Variants in PRELID2 observed in about 807,000 individuals in gnomAD.
The protein encoded by PRELID2 is PRELI domain containing 2.
A neutral mutation model predicts 28.4 loss-of-function variants in PRELID2; 25 were observed. The ratio of observed to expected loss-of-function variants is 0.88; its 90% CI spans 0.64 to 1.23. The LOEUF (loss-of-function observed/expected upper bound fraction) is 1.23, where lower values mean the gene tolerates loss of function less well. Ranked by LOEUF, PRELID2 falls within the 50% of genes most tolerant of loss-of-function variation. The pLI is 0.00. For synonymous variants in PRELID2, 76 were observed against 71.6 expected (o/e 1.06, Z -0.31); for missense variants, 201 against 214.4 (o/e 0.94, Z 0.39).
At chr5:145,489,568 T>C (rs1008775319) in intron 1 of PRELID2, among the ~76,000 whole-genome samples, 1 of 152,206 alleles carries the variant, frequency 6.6e-6, no homozygotes, top group Admixed American at 6.5e-5. Flanking sequence ...TGTCATCTTA[T>C]ATCCAGCATT....
chr5:145,347,016 G>C, the PRELID2 span, among the ~76,000 whole-genome samples: 1 of 152,132 alleles, frequency 6.6e-6, no homozygotes, highest in Non-Finnish European at 1.5e-5. Flanking sequence ...ATTTTATAGT[G>C]TTAAAGCTTC....
the PRELID2 span, among the ~76,000 whole-genome samples, chr5:145,368,280 G>A: frequency 5.3e-5 from 8 of 151,792 alleles, no homozygotes; most frequent in East Asian, 1.9e-4. Flanking sequence ...ATAGTGTTAC[G>A]GCTCTAAAGC....
chr5:145,697,830 A>T (rs1212589348), intron 1 of PRELID2, among the ~76,000 whole-genome samples: 2 of 152,128 alleles, frequency 1.3e-5, no homozygotes, highest in Admixed American at 6.6e-5. Context: ...TAAAGCATTT[A>T]ATGCTTGAGA....
At chr5:145,688,614 G>C (rs1378643588) in intron 1 of PRELID2, among the ~76,000 whole-genome samples, 1 of 152,172 alleles carries the variant, frequency 6.6e-6, no homozygotes, top group Admixed American at 6.5e-5. Context: ...ATAATACCTA[G>C]AGTTACCCAG....
At chr5:145,383,075 T>C in the PRELID2 span, among the ~76,000 whole-genome samples, 1 of 151,560 alleles carries the variant, frequency 6.6e-6, no homozygotes, top group Non-Finnish European at 1.5e-5. Flanking sequence ...GTAGACTCAA[T>C]GCAATTTCAA....
intron 1 of PRELID2, among the ~76,000 whole-genome samples, chr5:145,637,649 C>T (rs1754021366): frequency 1.3e-5 from 2 of 152,048 alleles, no homozygotes; most frequent in African/African-American, 4.8e-5. Context: ...CACATGAGGA[C>T]CAAGAGAATT....
At chr5:145,323,463 TA>T in the PRELID2 span, among the ~76,000 whole-genome samples, 1 of 152,144 alleles carries the variant, frequency 6.6e-6, no homozygotes, top group Admixed American at 6.5e-5. Flanking sequence ...AATGTATTTT[TA>T]AAAAAACACT....
At chr5:145,717,916 A>T (rs962233183) in intron 1 of PRELID2, among the ~76,000 whole-genome samples, 1 of 151,860 alleles carries the variant, frequency 6.6e-6, no homozygotes, top group Non-Finnish European at 1.5e-5. Context: ...TCTCCATGGT[A>T]AGAATAACTT....
intron 5 of PRELID2, among the ~76,000 whole-genome samples, chr5:145,784,790 T>G (rs1421142084): frequency 2.0e-5 from 3 of 151,338 alleles, no homozygotes; most frequent in Admixed American, 1.3e-4. Context: ...AACTTTGTTT[T>G]TTTTTTTTTT....
chr5:145,528,067 CT>C (rs1717216496), intron 1 of PRELID2, among the ~76,000 whole-genome samples: 2 of 152,136 alleles, frequency 1.3e-5, no homozygotes, highest in African/African-American at 4.8e-5. Context: ...CACGCTAACC[CT>C]TCAGCTCCTC....
At chr5:145,578,772 T>C (rs988297361) in intron 1 of PRELID2, among the ~76,000 whole-genome samples, 2 of 152,112 alleles carry the variant, frequency 1.3e-5, no homozygotes, top group Non-Finnish European at 2.9e-5. Context: ...TACTGTATGA[T>C]GCACAATACT....
intron 1 of PRELID2, among the ~76,000 whole-genome samples, chr5:145,477,579 C>T (rs1434200596): frequency 2.6e-5 from 4 of 152,090 alleles, no homozygotes; most frequent in African/African-American, 9.7e-5. Flanking sequence ...GCATGGCTAG[C>T]CACACCTGGA....
At chr5:145,369,104 A>G in the PRELID2 span, among the ~76,000 whole-genome samples, 2 of 151,912 alleles carry the variant, frequency 1.3e-5, no homozygotes, top group South Asian at 2.1e-4. Flanking sequence ...GCTAAAGTTA[A>G]TGGCATTTAG....
the PRELID2 span, among the ~76,000 whole-genome samples, chr5:145,265,847 C>T: frequency 2.0e-5 from 3 of 152,116 alleles, no homozygotes; most frequent in Admixed American, 6.6e-5. Context: ...AGACCTGAAA[C>T]CATAAAAATT....
chr5:145,407,142 G>A, the PRELID2 span, among the ~76,000 whole-genome samples: 5 of 152,334 alleles, frequency 3.3e-5, no homozygotes, highest in African/African-American at 1.2e-4. Context: ...ATAGCTGATA[G>A]TGCAGATAGG....
chr5:145,740,982 G>A (rs190750002), intron 1 of PRELID2, among the ~76,000 whole-genome samples: 6 of 104,394 alleles, frequency 5.7e-5, no homozygotes, highest in East Asian at 3.0e-4. Flanking sequence ...ATATATTTGT[G>A]TATAAATAAA....
At chr5:145,232,019 C>A in the PRELID2 span, among the ~76,000 whole-genome samples, 85 of 152,060 alleles carry the variant, frequency 5.6e-4, no homozygotes, top group African/African-American at 2.0e-3. Context: ...CTCACTCATG[C>A]ATACACCACC....
chr5:145,454,452 A>C, the PRELID2 span, among the ~76,000 whole-genome samples: 4 of 152,204 alleles, frequency 2.6e-5, no homozygotes, highest in Non-Finnish European at 5.9e-5. Flanking sequence ...GAAGAAGGAA[A>C]TAAAGGGTAT....
At chr5:145,796,251 T>C (rs1052260697) in intron 5 of PRELID2, 191 bp downstream of exon 5, 28 of 408,208 alleles carry the variant, frequency 6.9e-5, no homozygotes, top group Non-Finnish European at 1.3e-5. Flanking sequence ...TAATGAGCCA[T>C]AAATGCCACT....
Sources: allele counts gnomAD v4.1 joint callset (sites outside exome capture counted in the v4.1 genomes callset), GRCh38; gene constraint gnomAD v4.1.1; transcripts MANE v1.5; gene names NCBI Gene and HGNC (gene_info 2026-07-23, HGNC 2026-07-21).